The following SDK1 variants were observed in gnomAD, a reference collection of about 807,000 sequenced individuals.
SDK1 encodes sidekick cell adhesion molecule 1.
Under a neutral mutation model 245.5 loss-of-function variants are expected in SDK1, and 157 were observed. The observed-to-expected ratio is 0.64, with a 90% CI of 0.56 to 0.73. The LOEUF (loss-of-function observed/expected upper bound fraction) is 0.73, where lower values mean the gene tolerates loss of function less well. Ranked by LOEUF, SDK1 falls within the 30% of genes least tolerant of loss-of-function variation. SDK1 has a pLI of 0.00. For missense variants in SDK1, 3,583 were observed against 3,002.3 expected (o/e 1.19, Z -4.52); for synonymous variants, 1,647 against 1,278.5 (o/e 1.29, Z -6.15).
At chr7:3,831,090 A>T (rs913074701) in intron 5 of SDK1, among the ~76,000 whole-genome samples, 10 of 152,166 alleles carry the variant, frequency 6.6e-5, no homozygotes, top group Non-Finnish European at 1.2e-4. Context: ...AACAAGGGGG[A>T]TGGAAAATTG....
Position 3,967,451 on chromosome 7 carries a change from G to T in SDK1, c.1546+17G>T, listed in dbSNP as rs781262644. On this transcript the variant is annotated intron_variant, in intron 10 of 44. Transcript: ENST00000404826. Reference sequence around the variant, plus strand: ...GGAAAAGAGGTGGGTAGCATCCACTGCCCACAACAGCATGGCCCATGTAGA... The same window carrying T: ...GGAAAAGAGGTGGGTAGCATCCACTTCCCACAACAGCATGGCCCATGTAGA... 4 of 1,445,234 alleles carry T rather than the reference G, an allele frequency of 2.8e-6. No individual in the cohort carries two copies. In the Admixed American group the frequency reaches 6.7e-5, roughly 24 times the overall value. The allele number at this position is 1,445,234 out of a possible 1,614,324, so 89.5% of individuals were successfully genotyped here. A position where few individuals can be genotyped will look rare whatever the true frequency, so the allele number is the denominator to read the frequency against.
At chr7:3,602,419 T>C (rs1030355861) in intron 1 of SDK1, among the ~76,000 whole-genome samples, 7 of 149,790 alleles carry the variant, frequency 4.7e-5, no homozygotes, top group African/African-American at 1.7e-4. Context: ...TGCATTTATC[T>C]GATGGCCAGT....
chr7:3,654,480 C>A (rs538300501), intron 4 of SDK1, among the ~76,000 whole-genome samples: 1 of 152,214 alleles, frequency 6.6e-6, no homozygotes, highest in South Asian at 2.1e-4. Flanking sequence ...TCAGGTAGTG[C>A]GATAAAGGGT....
At chr7:4,135,010 G>A (rs907704526) in intron 28 of SDK1, among the ~76,000 whole-genome samples, 2 of 152,166 alleles carry the variant, frequency 1.3e-5, no homozygotes, top group African/African-American at 4.8e-5. Context: ...GTAGCCCCGG[G>A]TCCTCACTGC....
chr7:4,244,830 C>G (rs537412107), intron 43 of SDK1, among the ~76,000 whole-genome samples: 1 of 152,206 alleles, frequency 6.6e-6, no homozygotes, highest in Non-Finnish European at 1.5e-5. Flanking sequence ...GCCCCAGCCT[C>G]TTCTTGGCCC....
chr7:4,020,289 G>A (rs1428145485), intron 17 of SDK1, among the ~76,000 whole-genome samples: 2 of 152,002 alleles, frequency 1.3e-5, no homozygotes, highest in African/African-American at 4.8e-5. Flanking sequence ...ATGGCCTGGG[G>A]GACATGGCTG....
At chr7:4,256,182 A>C (rs1466221585) in intron 44 of SDK1, among the ~76,000 whole-genome samples, 1 of 152,208 alleles carries the variant, frequency 6.6e-6, no homozygotes, top group African/African-American at 2.4e-5. Flanking sequence ...GTCCTGTCAG[A>C]AGGCTGGGAT....
chr7:3,312,511 A>G lies in SDK1; in HGVS notation c.298+10627A>G, dbSNP rs145160366. Among the ~76,000 whole-genome samples the G allele has an allele frequency of 2.1e-4, 32 of 152,278 alleles. No homozygotes were observed. The East Asian group carries it at 6.0e-3, about 28-fold the overall frequency. On this transcript the variant is annotated intron_variant, in intron 1 of 44. Transcript: ENST00000404826. ...AAAGAGCACAGATTAGAAAAATAAC[A>G]TGGAGTTGGAAAAGAACCCAGTAGG...
intron 4 of SDK1, among the ~76,000 whole-genome samples, chr7:3,645,145 A>G (rs981530160): frequency 2.0e-5 from 3 of 152,228 alleles, no homozygotes; most frequent in African/African-American, 7.2e-5. Context: ...ACTTAATTTC[A>G]TAAATTTTTT....
intron 5 of SDK1, among the ~76,000 whole-genome samples, chr7:3,870,729 G>T (rs1390812626): frequency 1.3e-5 from 2 of 151,932 alleles, no homozygotes; most frequent in Admixed American, 1.3e-4. Context: ...ATTAACATTG[G>T]TACATTACCA....
chr7:4,244,333 T>A (rs1241778196), intron 43 of SDK1, among the ~76,000 whole-genome samples: 1 of 152,170 alleles, frequency 6.6e-6, no homozygotes, highest in Non-Finnish European at 1.5e-5. Context: ...CTGGACATGG[T>A]CCCTTTGAGC....
At chr7:3,537,890 T>C (rs1778933238) in intron 1 of SDK1, among the ~76,000 whole-genome samples, 1 of 152,196 alleles carries the variant, frequency 6.6e-6, no homozygotes, top group African/African-American at 2.4e-5. Flanking sequence ...CTGTTTTCAG[T>C]GAGGCATCCT....
At chr7:3,303,300 A>G (rs949311677) in intron 1 of SDK1, among the ~76,000 whole-genome samples, 2 of 152,196 alleles carry the variant, frequency 1.3e-5, no homozygotes, top group African/African-American at 4.8e-5. Context: ...ATCACTTAGG[A>G]TGACCTTTAA....
In SDK1 at chr7:4,067,891, A is replaced by C. The variant is rs1431044943; in HGVS notation, c.2965A>C (p.Lys989Gln). The C allele has an allele frequency of 4.3e-6, 7 of 1,613,472 alleles. No homozygotes were observed. The highest frequency in any genetic ancestry group is 1.1e-5 in the South Asian group (1 of 90,726). The change falls in exon 20 of 45, where the codon AAG (lysine) becomes CAG (glutamine). Residue 989 changes from lysine to glutamine, a missense_variant. By Grantham distance (53) the Lys-to-Gln change is moderately conservative. Transcript: ENST00000404826. ...SFTEILDTSL[K>Q]VSWQEPLEKN... Reference sequence around the variant, plus strand: ...CACAGAGATCTTGGACACATCTCTCAAGGTCAGCTGGCAGGAGCCCCTGGA... The same window carrying C: ...CACAGAGATCTTGGACACATCTCTCCAGGTCAGCTGGCAGGAGCCCCTGGA...
intron 20 of SDK1, among the ~76,000 whole-genome samples, chr7:4,074,868 C>G: frequency 1.1e-5 from 1 of 91,452 alleles, no homozygotes; most frequent in East Asian, 2.2e-4. Flanking sequence ...CTCTCTCTCT[C>G]TCTCTCTCTC....
At chr7:4,048,558 G>T (rs542619283) in intron 17 of SDK1, among the ~76,000 whole-genome samples, 19 of 149,540 alleles carry the variant, frequency 1.3e-4, no homozygotes, top group African/African-American at 4.2e-4. Context: ...CTTTTCCCAT[G>T]GCTCTCCCAG....
intron 4 of SDK1, among the ~76,000 whole-genome samples, chr7:3,741,478 A>C (rs1779472560): frequency 6.6e-6 from 1 of 152,226 alleles, no homozygotes; most frequent in African/African-American, 2.4e-5. Context: ...AGCATGATTA[A>C]AACAATTGAT....
intron 38 of SDK1, among the ~76,000 whole-genome samples, chr7:4,218,235 A>G (rs192721160): frequency 2.3e-3 from 353 of 152,278 alleles, no homozygotes; most frequent in African/African-American, 8.2e-3. Context: ...GAAACTAAAA[A>G]TACAAAAATT....
intron 1 of SDK1, among the ~76,000 whole-genome samples, chr7:3,536,126 G>A (rs1034376699): frequency 1.3e-5 from 2 of 151,008 alleles, no homozygotes; most frequent in African/African-American, 2.4e-5. Context: ...GTGCGATCTC[G>A]GCTCACTGCA....
Sources: allele counts gnomAD v4.1 joint callset (sites outside exome capture counted in the v4.1 genomes callset), GRCh38; gene constraint gnomAD v4.1.1; transcripts MANE v1.5; gene names NCBI Gene and HGNC (gene_info 2026-07-23, HGNC 2026-07-21).